The following ACTR3C variants were observed in gnomAD, a reference collection of about 807,000 sequenced individuals.
ACTR3C encodes actin related protein 3C.
ACTR3C carries 18 observed loss-of-function variants against 26.3 expected under a neutral mutation model. That is an observed-to-expected ratio of 0.68 (90% CI 0.47 to 1.01). The LOEUF is 1.01. ACTR3C is among the 50% of genes least tolerant of loss of function. The probability of loss-of-function intolerance (pLI) is 0.00; values close to 1 mark genes in which losing one functional copy is unlikely to be tolerated. For synonymous variants in ACTR3C, 55 were observed against 94.5 expected, an observed-to-expected ratio of 0.58 and a Z score of 2.42; for missense variants, 184 against 250.7, an observed-to-expected ratio of 0.73 and a Z score of 1.80.
chr7:150,219,608 G>C, the ACTR3C span, among the ~76,000 whole-genome samples: 1 of 137,376 alleles, frequency 7.3e-6, no homozygotes, highest in Non-Finnish European at 1.5e-5. Context: ...TGGGTTTTTT[G>C]CGCGTGGGAG....
the ACTR3C span, chr7:150,041,335 A>C: frequency 6.6e-6 from 1 of 150,898 alleles, no homozygotes; most frequent in Non-Finnish European, 1.5e-5. Flanking sequence ...GTAGATTGCA[A>C]ATAACCTGCT....
downstream of ACTR3C, chr7:150,246,927 G>C (rs1444561457): frequency 6.6e-6 from 1 of 152,170 alleles, no homozygotes; most frequent in Admixed American, 6.5e-5. Context: ...TGAGTAGCTG[G>C]GGTTACAGGT....
the ACTR3C span, among the ~76,000 whole-genome samples, chr7:150,048,187 GA>G: frequency 6.6e-6 from 1 of 151,772 alleles, no homozygotes; most frequent in African/African-American, 2.4e-5. Context: ...ATTGAAGGAA[GA>G]AAAAAAACCA....
At chr7:150,115,367 C>A in the ACTR3C span, among the ~76,000 whole-genome samples, 1 of 152,178 alleles carries the variant, frequency 6.6e-6, no homozygotes, top group Non-Finnish European at 1.5e-5. Context: ...ACCCGGGGAG[C>A]AATGACATTA....
the ACTR3C span, chr7:150,062,374 C>T: frequency 1.2e-5 from 1 of 81,286 alleles, no homozygotes; most frequent in African/African-American, 5.5e-5. Flanking sequence ...TCCAGACAGA[C>T]AGGCTGTACT....
chr7:150,230,545 G>A, the ACTR3C span, among the ~76,000 whole-genome samples: 1 of 152,028 alleles, frequency 6.6e-6, no homozygotes, highest in Non-Finnish European at 1.5e-5. Context: ...AATTCTCATA[G>A]GAGCGCAAGC....
chr7:150,144,575 C>G, the ACTR3C span, among the ~76,000 whole-genome samples: 1 of 152,098 alleles, frequency 6.6e-6, no homozygotes. This position sits in a 1 kb window ranked among gnomAD's most constrained non-coding sequence, Gnocchi z 4.6. Context: ...TCATCCCCAT[C>G]ATACTGGGTA....
At position 150,295,192 on chromosome 7, in the gene ACTR3C, A is replaced by G. The variant is rs548309495; in HGVS notation, c.45+60T>C. ...CCAGCGGAGAACCTTGGGAAATACC[A>G]TTTCTTCCGCTACTAGACAGCTCAG... On this transcript the variant is annotated intron_variant, in intron 2 of 7. Coordinates refer to ENST00000683684, the MANE Select transcript of ACTR3C (RefSeq NM_001164458.2). The G allele has an allele frequency of 1.6e-5, 25 of 1,586,284 alleles. No individual in the cohort carries two copies. The South Asian group carries it at 2.6e-4, about 16-fold the overall frequency.
the ACTR3C span, among the ~76,000 whole-genome samples, chr7:150,031,426 G>A: frequency 3.7e-4 from 57 of 152,216 alleles, 1 homozygote; most frequent in African/African-American, 1.2e-3. Flanking sequence ...ATACCAAGGC[G>A]GCTTCTTAGG....
At chr7:150,265,734 G>A (rs1833990844) in intron 6 of ACTR3C, among the ~76,000 whole-genome samples, 2 of 152,022 alleles carry the variant, frequency 1.3e-5, no homozygotes, top group Non-Finnish European at 2.9e-5. Flanking sequence ...TTCAAGCTCA[G>A]CAAAAGTGAT....
chr7:150,191,393 A>G, the ACTR3C span, among the ~76,000 whole-genome samples: 1 of 152,236 alleles, frequency 6.6e-6, no homozygotes, highest in South Asian at 2.1e-4. Context: ...AAATTTCTTT[A>G]ATCAGTTTTA....
the ACTR3C span, among the ~76,000 whole-genome samples, chr7:150,192,327 C>T: frequency 6.6e-6 from 1 of 152,120 alleles, no homozygotes; most frequent in African/African-American, 2.4e-5. Flanking sequence ...GGGTCTTGCT[C>T]TGTTACCCAG....
the ACTR3C span, among the ~76,000 whole-genome samples, chr7:150,015,004 C>T: frequency 3.3e-5 from 5 of 152,064 alleles, no homozygotes; most frequent in South Asian, 2.1e-4. Context: ...TGGAGAATAA[C>T]AAAACAACCC....
the ACTR3C span, chr7:150,047,814 G>A: frequency 1.3e-6 from 2 of 1,531,626 alleles, no homozygotes; most frequent in Non-Finnish European, 1.8e-6. Context: ...GGACCTCGAG[G>A]TGTTGATCTT....
chr7:150,018,642 C>T, the ACTR3C span, among the ~76,000 whole-genome samples: 1 of 150,152 alleles, frequency 6.7e-6, no homozygotes, highest in Non-Finnish European at 1.5e-5. Context: ...CAAAAAAAAT[C>T]CCCAAATCTT....
At chr7:150,252,935 G>A (rs751954417) in intron 6 of ACTR3C, among the ~76,000 whole-genome samples, 2 of 151,462 alleles carry the variant, frequency 1.3e-5, no homozygotes, top group Non-Finnish European at 2.9e-5. Flanking sequence ...TTATATAAGA[G>A]CAAACTTTAA....
chr7:150,254,779 A>T (rs1471865490), intron 6 of ACTR3C, among the ~76,000 whole-genome samples: 2 of 152,204 alleles, frequency 1.3e-5, no homozygotes, highest in Non-Finnish European at 1.5e-5. Context: ...GCTGTCTTCC[A>T]TGGCAGTGCT....
chr7:150,300,311 C>G (rs1433100961), intron 1 of ACTR3C, among the ~76,000 whole-genome samples: 1 of 152,092 alleles, frequency 6.6e-6, no homozygotes. Context: ...GAGATCGTGC[C>G]ACTGCACTCC....
chr7:150,133,996 C>T, the ACTR3C span, among the ~76,000 whole-genome samples: 1 of 152,060 alleles, frequency 6.6e-6, no homozygotes, highest in Non-Finnish European at 1.5e-5. Context: ...TCTCAGCCTC[C>T]CAAAGTGCTG....
Sources: gnomAD v4.1 joint callset for allele counts (sites outside exome capture counted in the v4.1 genomes callset) on GRCh38, gnomAD v4.1.1 for gene constraint, Gnocchi (gnomAD v3.1) non-coding constraint, MANE v1.5 for transcripts, NCBI Gene and HGNC (gene_info 2026-07-23, HGNC 2026-07-21) for gene names.